The following MAN2B1 variants were observed in gnomAD, a reference collection of about 807,000 sequenced individuals.
MAN2B1 encodes the protein mannosidase alpha class 2B member 1, also known as lysosomal alpha-mannosidase.
Under a neutral mutation model 127.5 loss-of-function variants are expected in MAN2B1, and 99 were observed. The ratio of observed to expected loss-of-function variants is 0.78; its 90% confidence interval spans 0.66 to 0.92. The LOEUF (loss-of-function observed/expected upper bound fraction) is 0.92. Among genes scored for constraint, MAN2B1 ranks in the 40% least tolerant of loss-of-function variants. The pLI, the probability that MAN2B1 is intolerant of heterozygous loss-of-function variation, is 0.00. For synonymous variants in MAN2B1, 573 were observed against 568.8 expected, an observed-to-expected ratio of 1.01 and a Z score of -0.11; for missense variants, 1,304 against 1,384.8, an observed-to-expected ratio of 0.94 and a Z score of 0.93.
rs79757293 is a variant in MAN2B1, at chr19:12,655,296, T to C, written c.1830+398A>G. Among the ~76,000 whole-genome samples the C allele has an allele frequency of 1.1e-4, 17 of 152,324 alleles. No homozygotes were observed. The East Asian group carries it at 3.3e-3, about 29-fold the overall frequency. On this transcript the variant is annotated intron_variant, in intron 14 of 23. Transcript: ENST00000456935. ...GTGGCTCCTGGAATTCTGCACACTC[T>C]CCTGCTCGAAGGCTTTTATGCCTGT...
At chr19:12,659,446 T>C (rs1421853233) in intron 7 of MAN2B1, among the ~76,000 whole-genome samples, 1 of 151,878 alleles carries the variant, frequency 6.6e-6, no homozygotes, top group African/African-American at 2.4e-5. Flanking sequence ...GTCTTACAGA[T>C]GAGTGCCATC....
At chr19:12,665,222 G>C (rs1380139865) in intron 3 of MAN2B1, 130 bp downstream of exon 3, 2 of 1,224,204 alleles carry the variant, frequency 1.6e-6, no homozygotes, top group Non-Finnish European at 2.4e-6. Context: ...TCCAAATGGA[G>C]AGTCCAGGCA....
chr19:12,658,645 T>C (rs1382138719), intron 7 of MAN2B1, 135 bp from the exon 8 acceptor site: 1 of 808,798 alleles, frequency 1.2e-6, no homozygotes, highest in Non-Finnish European at 2.1e-6. Flanking sequence ...TGCAAGCCAA[T>C]GGTTGGGTGT....
chr19:12,657,603 G>T, intron 10 of MAN2B1, 48 bp from the exon 11 acceptor site: 1 of 1,481,418 alleles, frequency 6.8e-7, no homozygotes, highest in Non-Finnish European at 9.2e-7. Flanking sequence ...ACTCAGCTGA[G>T]ACCCCAAGGG....
chr19:12,648,505 G>A, intron 20 of MAN2B1, 103 bp from the exon 21 acceptor site: 1 of 845,980 alleles, frequency 1.2e-6, no homozygotes, highest in Non-Finnish European at 1.9e-6. Flanking sequence ...AGAAATTAAA[G>A]GGTGGGAGGA....
At chr19:12,665,883 A>T (rs1333929149) in intron 1 of MAN2B1, 78 bp from the exon 2 acceptor site, 1 of 1,155,734 alleles carries the variant, frequency 8.7e-7, no homozygotes, top group Admixed American at 1.8e-5. Context: ...CTTGATCTAG[A>T]GGTGAGTGAC....
Position 12,648,243 on chromosome 19 carries a change from C to T in MAN2B1, c.2596G>A (p.Ala866Thr), listed in dbSNP as rs1178086242. 1.3e-6 allele frequency: 2 copies of T among 1,596,472 alleles called. No homozygotes were observed. Among genetic ancestry groups the T allele is most frequent in the Middle Eastern group, 1.7e-4 (1 of 5,988 alleles). The change falls in exon 21 of 24, where the codon GCC becomes ACC. Residue 866 changes from alanine to threonine, a missense_variant. Coordinates refer to ENST00000456935, the MANE Select transcript of MAN2B1 (RefSeq NM_000528.4). ...HRLLAEQEVL[A>T]PQVVLAPGGG... ...CCCGGGGCCAGCACCACCTGAGGGG[C>T]CAGGACCTCCTGCTCCGCCAGGAGC...
chr19:12,655,340 A>T (rs920636562), intron 14 of MAN2B1, among the ~76,000 whole-genome samples: 4 of 152,054 alleles, frequency 2.6e-5, no homozygotes, highest in Non-Finnish European at 5.9e-5. Flanking sequence ...CCCCACCTGG[A>T]TCTCTCTTCC....
chr19:12,661,657 GA>G (rs2081492040), intron 6 of MAN2B1, among the ~76,000 whole-genome samples: 1 of 152,016 alleles, frequency 6.6e-6, no homozygotes, highest in South Asian at 2.1e-4. Flanking sequence ...CCAGGAGGGG[GA>G]CATTGTGATG....
At position 12,665,855 on chromosome 19, in the gene MAN2B1, G is replaced by A. The variant is rs1248205676; in HGVS notation, c.160-50C>T. ...TACCTTGTCAATAACCCCCGAGGTC[G>A]GGGGCTGCAGAGTAAGTCTTGATCT... is the stretch of plus-strand genomic sequence containing the variant. On this transcript the variant is annotated intron_variant, in intron 1 of 23. Transcript: ENST00000456935. The A allele has an allele frequency of 2.8e-6, 4 of 1,441,620 alleles. No homozygotes were observed. In the African/African-American group the frequency reaches 4.2e-5, roughly 15 times the overall value. The allele number at this position is 1,441,620 out of a possible 1,614,324, so 89.3% of individuals were successfully genotyped here.
rs2023720009 is a variant in MAN2B1 at position 12,647,537 on chromosome 19, C to A, written c.2726G>T (p.Gly909Val). ...CAAGCGCAGCAGCACCATTTCGGGG[C>A]CCCAGCTGGCCAGCGTGAGCAGGTG... ...SVHLLTLASW[G>V]PEMVLLRLEH... Residue 909 changes from glycine to valine, a missense_variant, in exon 22 of 24, where the codon GGC (glycine) becomes GTC (valine). Physicochemically the swap from Gly to Val is moderately radical, Grantham distance 109. Coordinates refer to ENST00000456935, the MANE Select transcript of MAN2B1 (RefSeq NM_000528.4). The surrounding 1 kb of genome is among the most constrained non-coding windows in gnomAD (Gnocchi z 4.9). 5.6e-6 allele frequency: 9 copies of A among 1,614,200 alleles called. No individual in the cohort carries two copies. Among genetic ancestry groups the A allele is most frequent in the Non-Finnish European group, 7.6e-6 (9 of 1,180,000 alleles).
In MAN2B1 at chr19:12,648,200, T is replaced by C. The variant is rs1466468362; in HGVS notation, c.2639A>G (p.Asn880Ser). 10 of 1,549,184 alleles carry C rather than the reference T, an allele frequency of 6.5e-6. No homozygotes were observed. Among genetic ancestry groups the C allele is most frequent in the African/African-American group, 2.7e-5 (2 of 73,154 alleles). The change falls in exon 21 of 24, where the codon AAT (asparagine) becomes AGT (serine). Residue 880 changes from asparagine to serine, a missense_variant. Coordinates refer to ENST00000456935, the MANE Select transcript of MAN2B1 (RefSeq NM_000528.4). The part of the protein sequence containing the change: ...VLAPGGGAAY[N>S]LGAPPRTQFS... ...CTGCGTGCGCGGAGGAGCCCCGAGATTGTAGGCGGCGCCGCCACCCGGGGC... is the reference window on the plus strand; with the variant it reads ...CTGCGTGCGCGGAGGAGCCCCGAGACTGTAGGCGGCGCCGCCACCCGGGGC...
In MAN2B1 at chr19:12,647,070, AC is replaced by A; in HGVS notation, c.2923+162del. 1.5e-6 allele frequency: 1 copy of A among 674,112 alleles called. No homozygotes were observed. The highest frequency in any genetic ancestry group is 2.7e-5 in the East Asian group (1 of 37,634). 41.8% of individuals were successfully genotyped at this position (674,112 alleles called of 1,614,324 possible). A position where few individuals can be genotyped will look rare whatever the true frequency, so the allele number is the denominator to read the frequency against. On this transcript the variant is annotated intron_variant, in intron 23 of 23. Coordinates refer to ENST00000456935, the MANE Select transcript of MAN2B1 (RefSeq NM_000528.4). The surrounding 1 kb of genome is among the most constrained non-coding windows in gnomAD (Gnocchi z 4.9). ...TCAAGACCCATTCCTGGTTTGCCGCACCCATTTCAGATCCTTTAAGCCCCTA... is the reference window on the plus strand; with the variant it reads ...TCAAGACCCATTCCTGGTTTGCCGCACCATTTCAGATCCTTTAAGCCCCTA...
intron 3 of MAN2B1, 48 bp from the exon 4 acceptor site, chr19:12,665,033 G>C (rs2024195547): frequency 6.5e-7 from 1 of 1,545,128 alleles, no homozygotes; most frequent in African/African-American, 1.4e-5. Flanking sequence ...AGCCAGGAGT[G>C]GGAGTAGGGT....
chr19:12,649,260 C>T (rs1354573363), intron 19 of MAN2B1, 44 bp from the exon 20 acceptor site: 1 of 1,605,902 alleles, frequency 6.2e-7, no homozygotes, highest in Non-Finnish European at 8.5e-7. Context: ...AACCCCAACC[C>T]CAGGCAGCTT....
intron 23 of MAN2B1, 188 bp from the exon 24 acceptor site, chr19:12,646,920 C>T (rs993195751): frequency 8.1e-6 from 5 of 618,888 alleles, no homozygotes; most frequent in Non-Finnish European, 1.4e-5. Context: ...GTCCTCATAC[C>T]CTCAATCTGG....
At position 12,655,703 on chromosome 19, in the gene MAN2B1, G is replaced by A. The variant is rs2023936980; in HGVS notation, c.1821C>T (p.Ile607=). Residue 607 remains isoleucine, a synonymous_variant, in exon 14 of 24, where the codon ATC becomes ATT. Coordinates refer to ENST00000456935, the MANE Select transcript of MAN2B1 (RefSeq NM_000528.4). ...PRRSWSPALT[I]ENEHIRATFD... is the part of the protein sequence containing the mutation. Reference sequence around the variant, plus strand: ...TGAAATGGGGTCTCACCTCATTTTCGATGGTTAAAGCAGGGGACCAGGATC... The same window carrying A: ...TGAAATGGGGTCTCACCTCATTTTCAATGGTTAAAGCAGGGGACCAGGATC... 1.2e-6 allele frequency: 2 copies of A among 1,609,098 alleles called. No individual in the cohort carries two copies. Among genetic ancestry groups the A allele is most frequent in the South Asian group, 1.1e-5 (1 of 90,690 alleles).
chr19:12,663,597 C>T, intron 5 of MAN2B1, 106 bp downstream of exon 5: 1 of 1,540,374 alleles, frequency 6.5e-7, no homozygotes, highest in African/African-American at 1.4e-5. Flanking sequence ...CCTTTGTTCC[C>T]AGACTATAGG....
chr19:12,656,205 C>A, intron 13 of MAN2B1: 2 of 448,690 alleles, frequency 4.5e-6, no homozygotes, highest in Non-Finnish European at 8.1e-6. Flanking sequence ...TGTCCATAAA[C>A]AGCAATAAAT....
Sources: allele counts gnomAD v4.1 joint callset (sites outside exome capture counted in the v4.1 genomes callset), GRCh38; gene constraint gnomAD v4.1.1; non-coding constraint Gnocchi (gnomAD v3.1); transcripts MANE v1.5; gene names NCBI Gene and HGNC (gene_info 2026-07-23, HGNC 2026-07-21).